NYNRIN: variants seen among roughly 807,000 people sequenced by gnomAD.
NYNRIN encodes NYN domain and retroviral integrase containing.
NYNRIN carries 86 observed loss-of-function variants against 146.6 expected under a neutral mutation model. The observed-to-expected ratio is 0.59, with a 90% confidence interval of 0.49 to 0.70. The LOEUF (loss-of-function observed/expected upper bound fraction) is 0.70. NYNRIN is among the 30% of genes least tolerant of loss of function. The pLI, the probability that NYNRIN is intolerant of heterozygous loss-of-function variation, is 0.00. For missense variants in NYNRIN, 2,191 were observed against 2,377.7 expected, an observed-to-expected ratio of 0.92 and a Z score of 1.63; for synonymous variants, 1,027 against 1,001.3, an observed-to-expected ratio of 1.03 and a Z score of -0.48.
At chr14:24,413,734 T>C (rs1465737609) in intron 8 of NYNRIN, among the ~76,000 whole-genome samples, 1 of 152,252 alleles carries the variant, frequency 6.6e-6, no homozygotes, top group Non-Finnish European at 1.5e-5. Flanking sequence ...AATGGTCATA[T>C]AGTGTTCCAT....
chr14:24,409,019 C>T lies in NYNRIN; in HGVS notation c.1225C>T (p.Pro409Ser). The T allele has an allele frequency of 1.2e-6, 2 of 1,613,474 alleles. No individual in the cohort carries two copies. Among genetic ancestry groups the T allele is most frequent in the South Asian group, 1.1e-5 (1 of 90,988 alleles). Residue 409 changes from proline to serine, a missense_variant, in exon 4 of 9, where the codon CCT becomes TCT. This residue lies in a region of NYNRIN where 895 missense variants were observed against 941.2 expected (regional missense o/e 0.95). Coordinates refer to ENST00000382554, the MANE Select transcript of NYNRIN (RefSeq NM_025081.3). Reference sequence around the variant, plus strand: ...TCAGTTGAAGCTGCCAGGGCAGAATCCTTTGCCCTTAAATCTGGAGTGGAA... The same window carrying T: ...TCAGTTGAAGCTGCCAGGGCAGAATTCTTTGCCCTTAAATCTGGAGTGGAA... ...PIQLKLPGQN[P>S]LPLNLEWKQK...
rs773871684 is a variant in NYNRIN at position 24,409,025 on chromosome 14, C to T, written c.1231C>T (p.Pro411Ser). 8 of 1,613,356 alleles carry T rather than the reference C, an allele frequency of 5.0e-6. No individual in the cohort carries two copies. The highest frequency in any genetic ancestry group is 6.8e-6 in the Non-Finnish European group (8 of 1,179,642). The change falls in exon 4 of 9, where the codon CCC becomes TCC. Residue 411 changes from proline (P) to serine (S), a missense_variant. Pro to Ser is a moderately conservative substitution (Grantham distance 74). Transcript: ENST00000382554. ...GAAGCTGCCAGGGCAGAATCCTTTG[C>T]CCTTAAATCTGGAGTGGAAGCAGAA... The part of the protein sequence containing the change: ...QLKLPGQNPL[P>S]LNLEWKQKEL...
chr14:24,409,929 C>T lies in NYNRIN; in HGVS notation c.2135C>T (p.Ser712Phe), dbSNP rs2042900866. The T allele has an allele frequency of 1.2e-6, 2 of 1,613,602 alleles. No individual in the cohort carries two copies. Among genetic ancestry groups the T allele is most frequent in the African/African-American group, 2.7e-5 (2 of 74,936 alleles). The change falls in exon 4 of 9, where the codon TCC (serine) becomes TTC (phenylalanine). Residue 712 changes from serine (S) to phenylalanine (F), a missense_variant. Around this residue, in one of 3 missense-constraint regions of NYNRIN, gnomAD observed 895 missense variants for 941.2 expected, o/e 0.95. Coordinates refer to ENST00000382554, the MANE Select transcript of NYNRIN (RefSeq NM_025081.3). ...EVQPTSRASV[S>F]LLKGQGQAGR... is the part of the protein sequence containing the mutation. ...CAGCCTACATCAAGGGCTAGTGTCT[C>T]CTTACTGAAGGGCCAGGGGCAGGCT...
chr14:24,407,821 C>G, intron 2 of NYNRIN, 48 bp from the exon 3 acceptor site: 2 of 1,522,414 alleles, frequency 1.3e-6, no homozygotes, highest in Non-Finnish European at 1.8e-6. Context: ...GATCCAGGGG[C>G]AGGCCCCCAA....
intron 2 of NYNRIN, among the ~76,000 whole-genome samples, chr14:24,404,375 T>C (rs2042863909): frequency 6.6e-6 from 1 of 152,256 alleles, no homozygotes; most frequent in African/African-American, 2.4e-5. Context: ...GCTTTTTAAA[T>C]CCAATTTGAA....
At chr14:24,400,498 A>G (rs561257835) in intron 2 of NYNRIN, among the ~76,000 whole-genome samples, 2 of 152,280 alleles carry the variant, frequency 1.3e-5, no homozygotes, top group African/African-American at 4.8e-5. Context: ...GGAGGCCCAG[A>G]ACTCGGCCAG....
chr14:24,410,499 C>A (rs1306590926), intron 4 of NYNRIN, among the ~76,000 whole-genome samples: 1 of 152,184 alleles, frequency 6.6e-6, no homozygotes, highest in Non-Finnish European at 1.5e-5. Flanking sequence ...GCAAGGGGTC[C>A]AGCTGGCCTT....
rs1384687314 is a variant in NYNRIN at position 24,411,582 on chromosome 14, T to A, written c.2642+132T>A. On this transcript the variant is annotated intron_variant, in intron 6 of 8. Coordinates refer to ENST00000382554, the MANE Select transcript of NYNRIN (RefSeq NM_025081.3). This position sits in a 1 kb window ranked among gnomAD's most constrained non-coding sequence, Gnocchi z 4.3. ...TTGGGGGTGTCGGTTGTGCAGAGGG[T>A]GGGGTGGAGCACGGGCATCTGTCAG... is the stretch of plus-strand genomic sequence containing the variant. 1.3e-6 allele frequency: 1 copy of A among 774,860 alleles called. No homozygotes were observed. The highest frequency in any genetic ancestry group is 2.5e-5 in the East Asian group (1 of 40,744). The allele number at this position is 774,860 out of a possible 1,614,324, so 48.0% of individuals were successfully genotyped here.
At chr14:24,405,590 T>G (rs1190475067) in intron 2 of NYNRIN, among the ~76,000 whole-genome samples, 2 of 152,202 alleles carry the variant, frequency 1.3e-5, no homozygotes, top group Non-Finnish European at 2.9e-5. Flanking sequence ...TGTTGTTTCC[T>G]TATCTTCTCT....
chr14:24,408,037 C>T lies in NYNRIN; in HGVS notation c.367C>T (p.Leu123=), dbSNP rs2139346180. Residue 123 remains leucine (L), a synonymous_variant, in exon 3 of 9, where the codon CTG becomes TTG. Transcript: ENST00000382554. ...GPPGSLMVGG[L]TESFIMTQNW... ...CCCTGGCTCCCTGATGGTGGGCGGG[C>T]TGACTGAGTCTTTCATCATGACACA... is the stretch of plus-strand genomic sequence containing the variant. 6.2e-7 allele frequency: 1 copy of T among 1,614,018 alleles called. No individual in the cohort carries two copies. The highest frequency in any genetic ancestry group is 1.3e-5 in the African/African-American group (1 of 75,078).
chr14:24,409,326 G>T lies in NYNRIN; in HGVS notation c.1532G>T (p.Gly511Val). The T allele has an allele frequency of 6.2e-7, 1 of 1,614,042 alleles. No individual in the cohort carries two copies. The highest frequency in any genetic ancestry group is 8.5e-7 in the Non-Finnish European group (1 of 1,179,898). Residue 511 changes from glycine to valine, a missense_variant, in exon 4 of 9, where the codon GGA (glycine) becomes GTA (valine). Physicochemically the swap from Gly to Val is moderately radical, Grantham distance 109. Transcript: ENST00000382554. ...TTAGATTTTAAGGGACTGGAAGAGG[G>T]ACCCGCTCCAGTGCTGCCAACAGGG... ...MQLDFKGLEE[G>V]PAPVLPTGQG...
intron 2 of NYNRIN, among the ~76,000 whole-genome samples, chr14:24,404,079 T>G (rs1399291352): frequency 6.6e-6 from 1 of 152,202 alleles, no homozygotes; most frequent in Admixed American, 6.5e-5. Context: ...CTTGTTGTAC[T>G]TAGGGGGCCT....
Position 24,408,444 on chromosome 14 carries a change from A to C in NYNRIN, c.774A>C (p.Ser258=). The C allele has an allele frequency of 6.2e-7, 1 of 1,612,932 alleles. No homozygotes were observed. Among genetic ancestry groups the C allele is most frequent in the Non-Finnish European group, 8.5e-7 (1 of 1,179,468 alleles). Residue 258 remains serine, a synonymous_variant, in exon 3 of 9, where the codon TCA becomes TCC. Coordinates refer to ENST00000382554, the MANE Select transcript of NYNRIN (RefSeq NM_025081.3). ...TCCAGAACAGGGGCCCAGAAAATTC[A>C]AAGAGATTATCTAGCCTGGGAGCCA... ...GTLQNRGPEN[S]KRLSSLGATG... is the part of the protein sequence containing the mutation.
chr14:24,403,168 T>C (rs922012304), intron 2 of NYNRIN, among the ~76,000 whole-genome samples: 1 of 152,258 alleles, frequency 6.6e-6, no homozygotes, highest in African/African-American at 2.4e-5. Flanking sequence ...ATCGAAGCAC[T>C]GAAGTGTACT....
Position 24,409,471 on chromosome 14 carries a change from C to T in NYNRIN, c.1677C>T (p.Ser559=). The change falls in exon 4 of 9, where the codon TCC becomes TCT. Residue 559 remains serine (S), a synonymous_variant. Coordinates refer to ENST00000382554, the MANE Select transcript of NYNRIN (RefSeq NM_025081.3). ...AAAVPKAENP[S]RTQVPSAAPK... is the part of the protein sequence containing the mutation. ...CAGTGCCCAAAGCTGAAAATCCCTC[C>T]AGAACTCAAGTGCCATCTGCAGCTC... 6.2e-7 allele frequency: 1 copy of T among 1,613,986 alleles called. No homozygotes were observed. Among genetic ancestry groups the T allele is most frequent in the Non-Finnish European group, 8.5e-7 (1 of 1,179,886 alleles).
rs2139353078 is a variant in NYNRIN at position 24,414,901 on chromosome 14, C to T, written c.3152C>T (p.Ala1051Val). 1 of 1,605,958 alleles carries T rather than the reference C, an allele frequency of 6.2e-7. No individual in the cohort carries two copies. The highest frequency in any genetic ancestry group is 8.5e-7 in the Non-Finnish European group (1 of 1,173,752). The part of the protein sequence containing the change: ...CLSLHDPPDG[A>V]LDIDLLPGAA... ...AGCCTCCATGATCCCCCTGATGGGG[C>T]CCTGGACATCGACCTCCTGCCAGGG... The change falls in exon 9 of 9, where the codon GCC becomes GTC. Residue 1051 changes from alanine to valine, a missense_variant. Ala to Val is a moderately conservative substitution (Grantham distance 64). Coordinates refer to ENST00000382554, the MANE Select transcript of NYNRIN (RefSeq NM_025081.3).
chr14:24,405,141 T>C (rs2042869494), intron 2 of NYNRIN, among the ~76,000 whole-genome samples: 1 of 152,000 alleles, frequency 6.6e-6, no homozygotes, highest in Non-Finnish European at 1.5e-5. Context: ...AAGAACCTGG[T>C]TTTTCATGTT....
rs778901743 is a variant in NYNRIN, at chr14:24,415,447, C to G, written c.3698C>G (p.Ser1233Cys). Residue 1233 changes from serine to cysteine, a missense_variant, in exon 9 of 9, where the codon TCC becomes TGC. Ser to Cys is a moderately radical substitution (Grantham distance 112, BLOSUM62 -1). Around this residue, in one of 3 missense-constraint regions of NYNRIN, gnomAD observed 1,291 missense variants for 1,417.0 expected, o/e 0.91. Coordinates refer to ENST00000382554, the MANE Select transcript of NYNRIN (RefSeq NM_025081.3). Reference protein sequence around the residue: ...IGDTPVVLDLSYASRTTADPE... With the variant: ...IGDTPVVLDLCYASRTTADPE... The stretch of plus-strand genomic sequence containing the variant: ...GACACCCCGGTGGTCCTGGACCTTT[C>G]CTATGCCTCCCGGACCACTGCGGAC... The G allele has an allele frequency of 1.2e-6, 2 of 1,613,960 alleles. No homozygotes were observed. The highest frequency in any genetic ancestry group is 1.7e-6 in the Non-Finnish European group (2 of 1,179,872).
chr14:24,411,007 G>A lies in NYNRIN; in HGVS notation c.2415-69G>A. The A allele has an allele frequency of 6.3e-7, 1 of 1,592,992 alleles. No individual in the cohort carries two copies. Among genetic ancestry groups the A allele is most frequent in the East Asian group, 2.2e-5 (1 of 44,786 alleles). The stretch of plus-strand genomic sequence containing the variant: ...TCCTTGGTGCTGGCATTGCTTGCTT[G>A]CTGCCCCAGGGCTGGCTCTGAGGGA... On this transcript the variant is annotated intron_variant, in intron 4 of 8. Transcript: ENST00000382554. The surrounding 1 kb of genome is among the most constrained non-coding windows in gnomAD (Gnocchi z 4.3).
Sources: gnomAD v4.1 joint callset for allele counts (sites outside exome capture counted in the v4.1 genomes callset) on GRCh38, gnomAD v4.1.1 for gene constraint, gnomAD v4.1.1 regional missense constraint, Gnocchi (gnomAD v3.1) non-coding constraint, MANE v1.5 for transcripts, NCBI Gene and HGNC (gene_info 2026-07-23, HGNC 2026-07-21) for gene names.